Variants in CCDC192 observed in about 807,000 individuals in gnomAD.
The protein encoded by CCDC192 is coiled-coil domain containing 192.
chr5:127,780,030 A>G (rs866596838), intron 3 of CCDC192, among the ~76,000 whole-genome samples: 15 of 152,012 alleles, frequency 9.9e-5, no homozygotes, highest in Admixed American at 5.2e-4. Context: ...ATAGCCTCCA[A>G]TCTCATCCAG....
chr5:127,908,395 T>C (rs1300422127), intron 6 of CCDC192, among the ~76,000 whole-genome samples: 1 of 152,228 alleles, frequency 6.6e-6, no homozygotes, highest in Non-Finnish European at 1.5e-5. Flanking sequence ...AACAGGGTTT[T>C]TCTAAATCTT....
intron 6 of CCDC192, among the ~76,000 whole-genome samples, chr5:127,922,148 A>G (rs1286065255): frequency 6.6e-6 from 1 of 152,178 alleles, no homozygotes; most frequent in Non-Finnish European, 1.5e-5. Context: ...AATAAACTGC[A>G]TGTGAAACAA....
intron 3 of CCDC192, among the ~76,000 whole-genome samples, chr5:127,789,604 G>T (rs1374609284): frequency 2.6e-5 from 4 of 152,226 alleles, no homozygotes; most frequent in Admixed American, 2.6e-4. Context: ...GTTTGTTAAG[G>T]AGATTGGTAT....
chr5:127,889,407 C>T (rs1272632230), intron 6 of CCDC192, among the ~76,000 whole-genome samples: 2 of 128,894 alleles, frequency 1.6e-5, no homozygotes, highest in African/African-American at 5.8e-5. Context: ...TTCTTTCTTT[C>T]TTTTTTTTTT....
At chr5:127,875,724 T>C (rs1269716018) in intron 6 of CCDC192, 63 bp downstream of exon 6, 2 of 397,690 alleles carry the variant, frequency 5.0e-6, no homozygotes, top group East Asian at 7.1e-5. Flanking sequence ...TGTAGTTGTA[T>C]TGGCAACGAA....
intron 5 of CCDC192, among the ~76,000 whole-genome samples, chr5:127,866,983 G>T (rs532552749): frequency 1.3e-5 from 2 of 152,074 alleles, no homozygotes; most frequent in South Asian, 2.1e-4. Flanking sequence ...CTCTACTTTG[G>T]TTTCTTTATC....
intron 6 of CCDC192, among the ~76,000 whole-genome samples, chr5:127,921,587 T>C (rs1164710356): frequency 6.6e-6 from 1 of 152,242 alleles, no homozygotes; most frequent in African/African-American, 2.4e-5. Flanking sequence ...AAGTCCCTAA[T>C]ACAATCATAG....
chr5:127,816,294 G>A (rs1749022764), intron 5 of CCDC192, among the ~76,000 whole-genome samples: 1 of 152,158 alleles, frequency 6.6e-6, no homozygotes, highest in African/African-American at 2.4e-5. Flanking sequence ...ACCATGAAAA[G>A]GGGGGATTTT....
chr5:127,758,515 A>G (rs1036103384), intron 3 of CCDC192, among the ~76,000 whole-genome samples: 2 of 152,252 alleles, frequency 1.3e-5, no homozygotes, highest in African/African-American at 4.8e-5. Flanking sequence ...AACTGCACCA[A>G]TTCAGCCAAA....
chr5:127,850,455 G>A (rs1750744133), intron 5 of CCDC192, among the ~76,000 whole-genome samples: 1 of 152,112 alleles, frequency 6.6e-6, no homozygotes, highest in South Asian at 2.1e-4. Context: ...TAGCTTCCCA[G>A]AATTTGGAAC....
intron 5 of CCDC192, among the ~76,000 whole-genome samples, chr5:127,811,147 G>C (rs1230430754): frequency 2.6e-5 from 4 of 152,186 alleles, no homozygotes; most frequent in Admixed American, 6.5e-5. Flanking sequence ...GCTGTCTTAA[G>C]AACCCCCAAT....
chr5:127,755,259 T>C (rs1754510020), intron 3 of CCDC192, among the ~76,000 whole-genome samples: 1 of 152,206 alleles, frequency 6.6e-6, no homozygotes, highest in Non-Finnish European at 1.5e-5. Context: ...AAGGTACTTT[T>C]AATAAAGGTA....
intron 5 of CCDC192, among the ~76,000 whole-genome samples, chr5:127,864,373 G>A (rs1053477473): frequency 3.9e-5 from 6 of 152,124 alleles, no homozygotes; most frequent in South Asian, 2.1e-4. Context: ...CCTGCTATCC[G>A]TGCATATCTC....
In CCDC192 at chr5:127,800,389, A is replaced by AC. The variant is rs1467530511; in HGVS notation, c.411+2227_411+2228insC. ...AAGAGGTATTCTGAAAAAAAAAAAA[A>AC]AAAAAAAAAAAACAACAACAACAAA... On this transcript the variant is annotated intron_variant, in intron 5 of 6. Transcript: ENST00000514853. Among the ~76,000 whole-genome samples the AC allele has an allele frequency of 2.7e-3, 380 of 139,188 alleles. 3 individuals carry two copies. The highest frequency in any genetic ancestry group is 8.8e-3 in the African/African-American group (349 of 39,436). The allele number at this position is 139,188 out of a possible 152,430, so 91.3% of individuals were successfully genotyped here. A position where few individuals can be genotyped will look rare whatever the true frequency, so the allele number is the denominator to read the frequency against.
At chr5:127,826,712 A>G (rs1402905859) in intron 5 of CCDC192, among the ~76,000 whole-genome samples, 1 of 150,704 alleles carries the variant, frequency 6.6e-6, no homozygotes, top group Non-Finnish European at 1.5e-5. Flanking sequence ...GGGATCATTC[A>G]TATCCCAAAC....
At chr5:127,888,311 G>A (rs1361093727) in intron 6 of CCDC192, among the ~76,000 whole-genome samples, 4 of 151,954 alleles carry the variant, frequency 2.6e-5, no homozygotes, top group Non-Finnish European at 5.9e-5. Context: ...AGCTACTCAG[G>A]AGGCTGAGGC....
intron 5 of CCDC192, among the ~76,000 whole-genome samples, chr5:127,865,553 T>G (rs1751573773): frequency 6.6e-6 from 1 of 151,594 alleles, no homozygotes; most frequent in South Asian, 2.1e-4. Flanking sequence ...ACTGTTAGAC[T>G]CTAAGGTTTT....
intron 3 of CCDC192, among the ~76,000 whole-genome samples, chr5:127,793,699 A>G (rs1757008099): frequency 6.6e-6 from 1 of 152,224 alleles, no homozygotes; most frequent in African/African-American, 2.4e-5. Context: ...TTGAGCAATG[A>G]TGTAAGGTAA....
At chr5:127,720,744 C>T (rs1751973202) in intron 2 of CCDC192, among the ~76,000 whole-genome samples, 1 of 152,212 alleles carries the variant, frequency 6.6e-6, no homozygotes, top group South Asian at 2.1e-4. Context: ...GCTCCTAAGC[C>T]TCAACTCTCA....
Sources: allele counts gnomAD v4.1 joint callset (sites outside exome capture counted in the v4.1 genomes callset), GRCh38; gene constraint gnomAD v4.1.1; transcripts MANE v1.5; gene names NCBI Gene and HGNC (gene_info 2026-07-23, HGNC 2026-07-21).